The following RGS7 variants were observed in gnomAD, a reference collection of about 807,000 sequenced individuals.
The protein encoded by RGS7 is regulator of G-protein signaling 7.
RGS7 carries 27 observed loss-of-function variants against 81.1 expected under a neutral mutation model. The ratio of observed to expected loss-of-function variants is 0.33; its 90% CI spans 0.25 to 0.46. RGS7 has a LOEUF of 0.46. Among genes scored for constraint, RGS7 ranks in the 20% least tolerant of loss-of-function variants. RGS7 has a pLI of 1.00. For missense variants in RGS7, 396 were observed against 607.4 expected, an observed-to-expected ratio of 0.65 and a Z score of 3.66; for synonymous variants, 208 against 207.7, an observed-to-expected ratio of 1.00 and a Z score of -0.01.
chr1:241,256,585 T>G (rs1031178493), intron 2 of RGS7, among the ~76,000 whole-genome samples: 2 of 152,142 alleles, frequency 1.3e-5, no homozygotes, highest in African/African-American at 4.8e-5. Context: ...CTCACAGTTT[T>G]GAAGGCTGGA....
chr1:240,820,986 G>T (rs562489538), intron 10 of RGS7, among the ~76,000 whole-genome samples: 5 of 152,264 alleles, frequency 3.3e-5, no homozygotes, highest in Admixed American at 2.0e-4. Context: ...TTGCTCAGCT[G>T]AGCTAGAGAA....
intron 4 of RGS7, among the ~76,000 whole-genome samples, chr1:240,937,590 T>C (rs1676859251): frequency 2.6e-5 from 4 of 152,226 alleles, no homozygotes; most frequent in African/African-American, 9.6e-5. Flanking sequence ...ATTTTATAGA[T>C]GTGTGTTGGC....
chr1:240,933,704 T>C (rs1311659687), intron 5 of RGS7, among the ~76,000 whole-genome samples: 3 of 152,024 alleles, frequency 2.0e-5, no homozygotes, highest in Non-Finnish European at 2.9e-5. Flanking sequence ...CATCCAAAAC[T>C]GTTCAACTGT....
chr1:240,830,270 G>T (rs771984166), intron 9 of RGS7, among the ~76,000 whole-genome samples: 59 of 152,342 alleles, frequency 3.9e-4, no homozygotes, highest in Non-Finnish European at 3.1e-4. Context: ...TGGGTGGATG[G>T]GAGCCTGAAG....
chr1:241,165,808 C>A lies in RGS7; in HGVS notation c.79-67046G>T, dbSNP rs564993398. Among the ~76,000 whole-genome samples the A allele has an allele frequency of 2.6e-5, 4 of 150,944 alleles. No homozygotes were observed. In the South Asian group the frequency reaches 6.3e-4, roughly 24 times the overall value. ...TAATAAAAAAAAAAAAAAACCAGCC[C>A]TGAAAAAAAAAAAGAAAGAAAAAGA... On this transcript the variant is annotated intron_variant, in intron 2 of 18. Coordinates refer to ENST00000440928, the MANE Select transcript of RGS7 (RefSeq NM_001364886.1).
chr1:241,108,252 G>A (rs529608233), intron 2 of RGS7, among the ~76,000 whole-genome samples: 1 of 138,000 alleles, frequency 7.2e-6, no homozygotes, highest in Admixed American at 8.1e-5. Context: ...GCAGTGAGCC[G>A]AGAACACACC....
intron 6 of RGS7, among the ~76,000 whole-genome samples, chr1:240,882,919 G>A (rs1381984395): frequency 6.6e-6 from 1 of 152,132 alleles, no homozygotes; most frequent in African/African-American, 2.4e-5. Flanking sequence ...TGTCACCGGT[G>A]TCTGATGTTC....
intron 6 of RGS7, among the ~76,000 whole-genome samples, chr1:240,879,230 C>T (rs912300604): frequency 4.6e-5 from 7 of 152,188 alleles, no homozygotes; most frequent in East Asian, 1.9e-4. Context: ...AAAATGTCTA[C>T]GAATCGATTG....
At chr1:241,069,809 C>T (rs542622158) in intron 3 of RGS7, among the ~76,000 whole-genome samples, 29 of 152,098 alleles carry the variant, frequency 1.9e-4, no homozygotes, top group Admixed American at 3.3e-4. Flanking sequence ...TCAATTGAAA[C>T]AAAAGTAAAT....
chr1:241,069,233 T>C (rs956134144), intron 3 of RGS7, among the ~76,000 whole-genome samples: 2 of 152,368 alleles, frequency 1.3e-5, no homozygotes, highest in African/African-American at 4.8e-5. Context: ...CAGAGATATA[T>C]AGGTGTGTTT....
At chr1:240,915,301 A>AC (rs201909017) in intron 6 of RGS7, among the ~76,000 whole-genome samples, 3,210 of 151,712 alleles carry the variant, frequency 0.021, 50 homozygotes, top group African/African-American at 0.044. Flanking sequence ...AAGAGGAAAA[A>AC]CCCCCAAAAC....
intron 2 of RGS7, among the ~76,000 whole-genome samples, chr1:241,231,847 A>G (rs115703120): frequency 0.02 from 3,077 of 152,300 alleles, 87 homozygotes; most frequent in African/African-American, 0.069. Context: ...CAGTTTATCA[A>G]TGTTTCTTTT....
chr1:241,141,619 T>C (rs988871788), intron 2 of RGS7, among the ~76,000 whole-genome samples: 1 of 152,014 alleles, frequency 6.6e-6, no homozygotes. Flanking sequence ...GACCATCAAA[T>C]CTCTTGAGAA....
chr1:241,154,355 G>C (rs1247376545), intron 2 of RGS7, among the ~76,000 whole-genome samples: 1 of 152,144 alleles, frequency 6.6e-6, no homozygotes, highest in Non-Finnish European at 1.5e-5. Flanking sequence ...CAATAGTACA[G>C]ACCCTGAGGG....
At chr1:240,912,814 A>C (rs1036413714) in intron 6 of RGS7, among the ~76,000 whole-genome samples, 3 of 152,152 alleles carry the variant, frequency 2.0e-5, no homozygotes, top group African/African-American at 7.2e-5. Flanking sequence ...ATACTACATG[A>C]GTAATAATGT....
At chr1:241,327,988 G>A (rs1558322930) in intron 2 of RGS7, among the ~76,000 whole-genome samples, 2 of 152,106 alleles carry the variant, frequency 1.3e-5, no homozygotes, top group Admixed American at 6.5e-5. Context: ...AATAATATAT[G>A]AATTTGGAAG....
At position 240,980,442 on chromosome 1, in the gene RGS7, C is replaced by T. The variant is rs147351802; in HGVS notation, c.226+2637G>A. Among the ~76,000 whole-genome samples the T allele has an allele frequency of 7.7e-4, 117 of 152,236 alleles. 2 individuals are homozygous for T. The highest frequency in any genetic ancestry group is 2.5e-3 in the African/African-American group (105 of 41,538). ...CCATCCCTAGAGATCTTCAAACGACCACTTGGCTACCAGAGAGCACACAAG... is the reference window on the plus strand; with the variant it reads ...CCATCCCTAGAGATCTTCAAACGACTACTTGGCTACCAGAGAGCACACAAG... On this transcript the variant is annotated intron_variant, in intron 4 of 18. Coordinates refer to ENST00000440928, the MANE Select transcript of RGS7 (RefSeq NM_001364886.1).
chr1:241,190,968 G>A (rs2072600451), intron 2 of RGS7, among the ~76,000 whole-genome samples: 2 of 151,782 alleles, frequency 1.3e-5, no homozygotes, highest in South Asian at 4.1e-4. Context: ...ATCACGTTGT[G>A]AAAATTCTCC....
At chr1:241,242,072 C>T (rs1213514261) in intron 2 of RGS7, among the ~76,000 whole-genome samples, 1 of 151,864 alleles carries the variant, frequency 6.6e-6, no homozygotes, top group Non-Finnish European at 1.5e-5. Flanking sequence ...ATACACTGAA[C>T]CCAATTTGTA....
Sources: gnomAD v4.1 joint callset for allele counts (sites outside exome capture counted in the v4.1 genomes callset) on GRCh38, gnomAD v4.1.1 for gene constraint, MANE v1.5 for transcripts, NCBI Gene and HGNC (gene_info 2026-07-23, HGNC 2026-07-21) for gene names.